The following PTPRD variants were observed in gnomAD, a reference collection of about 807,000 sequenced individuals.
PTPRD encodes the protein protein tyrosine phosphatase receptor type D, also known as receptor-type tyrosine-protein phosphatase delta.
A neutral mutation model predicts 214.5 loss-of-function variants in PTPRD; 34 were observed. The ratio of observed to expected loss-of-function variants is 0.16; its 90% CI spans 0.12 to 0.21. The LOEUF (loss-of-function observed/expected upper bound fraction) is 0.21, where lower values mean the gene tolerates loss of function less well. Ranked by LOEUF, PTPRD falls within the 10% of genes least tolerant of loss-of-function variation. The pLI, the probability that PTPRD is intolerant of heterozygous loss-of-function variation, is 1.00. For synonymous variants in PTPRD, 1,128 were observed against 845.7 expected, an observed-to-expected ratio of 1.33 and a Z score of -5.79; for missense variants, 2,545 against 2,398.7, an observed-to-expected ratio of 1.06 and a Z score of -1.27.
chr9:9,781,795 A>T (rs1439244185), intron 5 of PTPRD, among the ~76,000 whole-genome samples: 5 of 147,332 alleles, frequency 3.4e-5, no homozygotes, highest in African/African-American at 2.5e-5. Context: ...GTCTGGACTC[A>T]TATTTTTTTT....
chr9:8,864,980 A>G (rs2098170290), intron 11 of PTPRD, among the ~76,000 whole-genome samples: 1 of 152,212 alleles, frequency 6.6e-6, no homozygotes, highest in Non-Finnish European at 1.5e-5. Context: ...CCATAATTAT[A>G]CTTTTCTCTG....
chr9:8,365,910 C>T (rs982330447), intron 39 of PTPRD, among the ~76,000 whole-genome samples: 3 of 152,118 alleles, frequency 2.0e-5, no homozygotes, highest in Non-Finnish European at 2.9e-5. Flanking sequence ...GATCCATGTC[C>T]TGCCCCAAGT....
At chr9:9,988,140 G>A (rs2095787475) in intron 4 of PTPRD, among the ~76,000 whole-genome samples, 3 of 152,076 alleles carry the variant, frequency 2.0e-5, no homozygotes, top group East Asian at 1.9e-4. Flanking sequence ...TAAATTGCTT[G>A]TATTGATTAT....
intron 8 of PTPRD, among the ~76,000 whole-genome samples, chr9:9,523,798 C>A (rs1437695359): frequency 6.6e-6 from 1 of 152,206 alleles, no homozygotes; most frequent in East Asian, 1.9e-4. Flanking sequence ...TACTTCTCAG[C>A]TTATTCCTCA....
intron 7 of PTPRD, among the ~76,000 whole-genome samples, chr9:9,590,429 C>A (rs552443865): frequency 2.2e-4 from 33 of 152,116 alleles, no homozygotes; most frequent in African/African-American, 7.7e-4. Flanking sequence ...ACACTGCTTA[C>A]ACTATGATCC....
At chr9:9,361,108 C>T (rs2055967856) in intron 9 of PTPRD, among the ~76,000 whole-genome samples, 1 of 150,956 alleles carries the variant, frequency 6.6e-6, no homozygotes, top group African/African-American at 2.4e-5. Context: ...TGTTTAAATC[C>T]ATTTTAGTTT....
At chr9:10,213,783 G>C (rs1017205203) in intron 3 of PTPRD, among the ~76,000 whole-genome samples, 1 of 152,028 alleles carries the variant, frequency 6.6e-6, no homozygotes, top group African/African-American at 2.4e-5. Flanking sequence ...CAAAATACAA[G>C]GGTGTAACTT....
intron 5 of PTPRD, among the ~76,000 whole-genome samples, chr9:9,900,639 A>AG (rs1424428473): frequency 3.8e-5 from 4 of 105,694 alleles, no homozygotes; most frequent in Non-Finnish European, 5.6e-5. Flanking sequence ...CCACATTTTC[A>AG]GGTTTTTTTT....
intron 6 of PTPRD, among the ~76,000 whole-genome samples, chr9:9,759,406 C>G (rs1381874810): frequency 6.6e-6 from 1 of 152,138 alleles, no homozygotes; most frequent in Non-Finnish European, 1.5e-5. Context: ...GCTAGTACAG[C>G]TGAGGAGCCT....
intron 22 of PTPRD, among the ~76,000 whole-genome samples, chr9:8,504,798 G>C (rs1293415068): frequency 6.6e-6 from 1 of 152,158 alleles, no homozygotes; most frequent in East Asian, 1.9e-4. Flanking sequence ...TGCCCAACAT[G>C]TGCAATTTTA....
chr9:9,849,346 A>T (rs965474860), intron 5 of PTPRD, among the ~76,000 whole-genome samples: 2 of 152,092 alleles, frequency 1.3e-5, no homozygotes, highest in Admixed American at 1.3e-4. Context: ...TAACCCAGGC[A>T]TCAAATAAAA....
chr9:9,693,066 C>A (rs767739360), intron 7 of PTPRD, among the ~76,000 whole-genome samples: 13 of 151,996 alleles, frequency 8.6e-5, no homozygotes, highest in African/African-American at 3.1e-4. Flanking sequence ...AATCTACAAA[C>A]AATGATAATA....
At chr9:8,652,610 G>A (rs754029813) in intron 12 of PTPRD, among the ~76,000 whole-genome samples, 28 of 152,304 alleles carry the variant, frequency 1.8e-4, no homozygotes, top group Admixed American at 4.6e-4. Context: ...GTTGGACTTA[G>A]CTTTAGAAGC....
chr9:8,696,444 T>A (rs976530604), intron 12 of PTPRD, among the ~76,000 whole-genome samples: 3 of 152,264 alleles, frequency 2.0e-5, no homozygotes, highest in Non-Finnish European at 4.4e-5. Context: ...CCCTCCAGTC[T>A]TGGGGTGGGG....
intron 3 of PTPRD, among the ~76,000 whole-genome samples, chr9:10,053,077 T>A (rs1311437761): frequency 6.6e-6 from 1 of 152,056 alleles, no homozygotes; most frequent in Non-Finnish European, 1.5e-5. Context: ...ATGAGGAAAA[T>A]AGATAAGGCA....
intron 11 of PTPRD, among the ~76,000 whole-genome samples, chr9:8,800,675 C>G (rs1037698111): frequency 2.0e-5 from 3 of 152,164 alleles, no homozygotes; most frequent in African/African-American, 7.2e-5. Context: ...AATGGGCAAC[C>G]AGCAGCCTCG....
chr9:10,117,618 T>C (rs1213101678), intron 3 of PTPRD, among the ~76,000 whole-genome samples: 2 of 151,680 alleles, frequency 1.3e-5, no homozygotes, highest in Non-Finnish European at 2.9e-5. Flanking sequence ...CCCCGTTTTT[T>C]TTTTTTTCTT....
At chr9:9,182,578 A>G (rs1274743382) in intron 10 of PTPRD, among the ~76,000 whole-genome samples, 1 of 152,034 alleles carries the variant, frequency 6.6e-6, no homozygotes, top group Non-Finnish European at 1.5e-5. Flanking sequence ...TCAAAGAATT[A>G]TCTTTGTAGG....
chr9:10,540,393 C>T (rs1023796950), intron 2 of PTPRD, among the ~76,000 whole-genome samples: 22 of 152,082 alleles, frequency 1.4e-4, no homozygotes, highest in Non-Finnish European at 2.6e-4. Context: ...GTCCTAAAGT[C>T]CATTACCCTC....
Sources: gnomAD v4.1 joint callset for allele counts (sites outside exome capture counted in the v4.1 genomes callset) on GRCh38, gnomAD v4.1.1 for gene constraint, MANE v1.5 for transcripts, NCBI Gene and HGNC (gene_info 2026-07-23, HGNC 2026-07-21) for gene names.